SMAP2: variants seen among roughly 807,000 people sequenced by gnomAD.
SMAP2 encodes small ArfGAP2.
In SMAP2, 25 loss-of-function variants were observed where a neutral mutation model predicts 56.4. The observed-to-expected ratio is 0.44, with a 90% confidence interval of 0.32 to 0.62. The LOEUF (loss-of-function observed/expected upper bound fraction) is 0.62, where lower values mean the gene tolerates loss of function less well. SMAP2 is among the 20% of genes least tolerant of loss of function. SMAP2 has a pLI of 0.04. For missense variants in SMAP2, 388 were observed against 545.6 expected (o/e 0.71, Z 2.88); for synonymous variants, 157 against 181.7 (o/e 0.86, Z 1.09).
intron 1 of SMAP2, among the ~76,000 whole-genome samples, chr1:40,377,038 C>T (rs1264672738): frequency 6.6e-6 from 1 of 152,192 alleles, no homozygotes; most frequent in Non-Finnish European, 1.5e-5. Context: ...GTAATCCCAG[C>T]ACTTTGAGAG....
intron 1 of SMAP2, among the ~76,000 whole-genome samples, chr1:40,381,186 T>C (rs921811292): frequency 3.3e-5 from 5 of 152,232 alleles, no homozygotes; most frequent in Non-Finnish European, 7.3e-5. Context: ...CCCCACTACA[T>C]ATAGTCATTC....
At chr1:40,362,088 G>A (rs1644462733) in intron 1 of SMAP2, among the ~76,000 whole-genome samples, 1 of 152,162 alleles carries the variant, frequency 6.6e-6, no homozygotes, top group South Asian at 2.1e-4. Context: ...AGGGGAGAGA[G>A]TATGACCAGA....
rs1044249240 is a variant in SMAP2, at chr1:40,385,612, A to G, written c.103+11389A>G. Reference sequence around the variant, plus strand: ...AGAGACCTACTCTCAGCTGTAGCTGATAAGTGTGTCCTAGCATGGTGATTT... The same window carrying G: ...AGAGACCTACTCTCAGCTGTAGCTGGTAAGTGTGTCCTAGCATGGTGATTT... On this transcript the variant is annotated intron_variant, in intron 1 of 9. Coordinates refer to ENST00000372718, the MANE Select transcript of SMAP2 (RefSeq NM_022733.3). The surrounding 1 kb of genome is among the most constrained non-coding windows in gnomAD (Gnocchi z 4.5). Among the ~76,000 whole-genome samples the G allele has an allele frequency of 2.0e-5, 3 of 152,230 alleles. No homozygotes were observed. Among genetic ancestry groups the G allele is most frequent in the Non-Finnish European group, 4.4e-5 (3 of 68,036 alleles).
chr1:40,345,692 C>T lies in SMAP2; in HGVS notation c.-83+782C>T, dbSNP rs75577015. Among the ~76,000 whole-genome samples, 1,041 of 151,446 alleles carry T rather than the reference C, an allele frequency of 6.9e-3. 9 individuals are homozygous for T. Among genetic ancestry groups the T allele is most frequent in the African/African-American group, 0.024 (985 of 41,360 alleles). On this transcript the variant is annotated intron_variant, in intron 1 of 6. Transcript: ENST00000435168. ...CTTCAACATGTCGTGAATTTATTTC[C>T]TGATCAGCATATAAAGATCTCTCTC...
rs1304690439 is a variant in SMAP2 at position 40,422,113 on chromosome 1, C to T, written c.*12C>T. On this transcript the variant is annotated 3_prime_UTR_variant, in exon 10 of 10. Coordinates refer to ENST00000372718, the MANE Select transcript of SMAP2 (RefSeq NM_022733.3). ...AGATGTGGAAATAAAAACAAAACAC[C>T]TGTATGGCTGCCATTCTCTTCAGCC... 6.2e-7 allele frequency: 1 copy of T among 1,613,658 alleles called. No homozygotes were observed. The highest frequency in any genetic ancestry group is 8.5e-7 in the Non-Finnish European group (1 of 1,179,872).
chr1:40,406,742 G>A lies in SMAP2; in HGVS notation c.110G>A (p.Arg37Gln), dbSNP rs1213093583. Residue 37 changes from arginine to glutamine, a missense_variant, in exon 2 of 10, where the codon CGA becomes CAA. By Grantham distance (43) the Arg-to-Gln change is conservative (BLOSUM62 1). Transcript: ENST00000372718. ...CTGTTCCTGACTTTCACAGGGCCGC[G>A]ATGGGCCTCTTGGAACATTGGTGTG... is the stretch of plus-strand genomic sequence containing the variant. ...FCADCQSKGP[R>Q]WASWNIGVFI... is the part of the protein sequence containing the mutation. 2.5e-6 allele frequency: 4 copies of A among 1,612,826 alleles called. No homozygotes were observed. The highest frequency in any genetic ancestry group is 1.7e-5 in the Admixed American group (1 of 59,934).
intron 1 of SMAP2, among the ~76,000 whole-genome samples, chr1:40,353,039 C>T (rs762083031): frequency 7.2e-5 from 11 of 152,132 alleles, no homozygotes; most frequent in African/African-American, 9.7e-5. Context: ...AGACATTGTC[C>T]GGGGTTGCCC....
intron 6 of SMAP2, 101 bp downstream of exon 6, chr1:40,414,341 C>A: frequency 1.9e-6 from 2 of 1,049,060 alleles, no homozygotes; most frequent in Non-Finnish European, 2.9e-6. Context: ...GTTTTGTCTT[C>A]ATTGCCAAGA....
chr1:40,351,461 A>C (rs889680438), intron 1 of SMAP2, among the ~76,000 whole-genome samples: 3 of 152,202 alleles, frequency 2.0e-5, no homozygotes, highest in Admixed American at 2.0e-4. Flanking sequence ...GAATACAATG[A>C]TTAACTCCTT....
chr1:40,407,753 A>G (rs958526435), intron 2 of SMAP2, among the ~76,000 whole-genome samples: 10 of 152,188 alleles, frequency 6.6e-5, no homozygotes, highest in Admixed American at 2.0e-4. Context: ...TTAAAAGTAT[A>G]TTAAATAGGA....
intron 4 of SMAP2, among the ~76,000 whole-genome samples, chr1:40,410,175 G>T (rs1170360732): frequency 6.6e-6 from 1 of 152,124 alleles, no homozygotes; most frequent in Non-Finnish European, 1.5e-5. Context: ...GAGCCAGGGA[G>T]GTTGAGGCTG....
rs747127620 is a variant in SMAP2, at chr1:40,399,310, A to ATTTTTTTTTTTT, written c.104-7416_104-7405dup. ...CAGGCATGTGCCACTACGTGTGGCT[A>ATTTTTTTTTTTT]TTTTTTTTTTTTTTTTTTTTTGTAT... On this transcript the variant is annotated intron_variant, in intron 1 of 9. Coordinates refer to ENST00000372718, the MANE Select transcript of SMAP2 (RefSeq NM_022733.3). Among the ~76,000 whole-genome samples the ATTTTTTTTTTTT allele has an allele frequency of 7.9e-3, 729 of 91,838 alleles. 3 individuals are homozygous for ATTTTTTTTTTTT. Among genetic ancestry groups the ATTTTTTTTTTTT allele is most frequent in the Non-Finnish European group, 9.3e-3 (471 of 50,690 alleles). 60.2% of individuals were successfully genotyped at this position (91,838 alleles called of 152,430 possible). A position where few individuals can be genotyped will look rare whatever the true frequency, so the allele number is the denominator to read the frequency against.
chr1:40,386,887 C>T lies in SMAP2; in HGVS notation c.103+12664C>T, dbSNP rs1243238950. On this transcript the variant is annotated intron_variant, in intron 1 of 9. Transcript: ENST00000372718. The surrounding 1 kb of genome is among the most constrained non-coding windows in gnomAD (Gnocchi z 4.1). ...TTTTTTTTTTGGAGACAAGGTCTCTCGCTCCGTCGCCCAAGCTGGAGTACA... is the reference window on the plus strand; with the variant it reads ...TTTTTTTTTTGGAGACAAGGTCTCTTGCTCCGTCGCCCAAGCTGGAGTACA... Among the ~76,000 whole-genome samples the T allele has an allele frequency of 7.3e-5, 10 of 137,824 alleles. No homozygotes were observed. The highest frequency in any genetic ancestry group is 1.2e-4 in the Non-Finnish European group (8 of 66,190). 90.4% of individuals were successfully genotyped at this position (137,824 alleles called of 152,430 possible).
upstream of SMAP2, among the ~76,000 whole-genome samples, chr1:40,369,455 T>C (rs1456046792): frequency 1.3e-5 from 2 of 151,006 alleles, no homozygotes; most frequent in African/African-American, 4.9e-5. Flanking sequence ...CTTCAAACTT[T>C]ACTACAAGGC....
At chr1:40,415,937 G>A (rs1159024065) in intron 7 of SMAP2, among the ~76,000 whole-genome samples, 3 of 152,094 alleles carry the variant, frequency 2.0e-5, no homozygotes, top group African/African-American at 4.8e-5. Flanking sequence ...CATCATTTGT[G>A]GGTTGTTTTG....
At chr1:40,393,227 G>T in intron 1 of SMAP2, 1 of 1,207,014 alleles carries the variant, frequency 8.3e-7, no homozygotes, top group Non-Finnish European at 1.1e-6. Context: ...TCAAGAAGCT[G>T]AGGTGGGAGG....
In SMAP2 at chr1:40,392,847, C is replaced by T. The variant is rs1052869100; in HGVS notation, c.104-13889C>T. Among the ~76,000 whole-genome samples, 5 of 152,178 alleles carry T rather than the reference C, an allele frequency of 3.3e-5. No homozygotes were observed. The East Asian group carries it at 9.7e-4, about 29-fold the overall frequency. ...GGGCTCAGTGGCTCATGCCTGTAATCGCAGCACGTTGGGAGGCCGAGGCAG... is the reference window on the plus strand; with the variant it reads ...GGGCTCAGTGGCTCATGCCTGTAATTGCAGCACGTTGGGAGGCCGAGGCAG... On this transcript the variant is annotated intron_variant, in intron 1 of 9. Transcript: ENST00000372718.
intron 1 of SMAP2, among the ~76,000 whole-genome samples, chr1:40,346,969 C>A (rs1340581854): frequency 6.6e-6 from 1 of 152,054 alleles, no homozygotes; most frequent in Non-Finnish European, 1.5e-5. Flanking sequence ...CCTGTCTCAA[C>A]CTCCCGAAGT....
In SMAP2 at chr1:40,415,396, C is replaced by G. The variant is rs1482232108; in HGVS notation, c.681+15C>G. ...GTTCCAGAAAGGTGAGTCTTGTGGG[C>G]TCCTCAGGATTAAAGAACATTCTGA... On this transcript the variant is annotated intron_variant, in intron 7 of 9. Transcript: ENST00000372718. The G allele has an allele frequency of 6.7e-7, 1 of 1,500,192 alleles. No individual in the cohort carries two copies. The highest frequency in any genetic ancestry group is 1.7e-5 in the Admixed American group (1 of 59,758). The allele number at this position is 1,500,192 out of a possible 1,614,324, so 92.9% of individuals were successfully genotyped here.
Sources: gnomAD v4.1 joint callset for allele counts (sites outside exome capture counted in the v4.1 genomes callset) on GRCh38, gnomAD v4.1.1 for gene constraint, Gnocchi (gnomAD v3.1) non-coding constraint, MANE v1.5 for transcripts, NCBI Gene and HGNC (gene_info 2026-07-23, HGNC 2026-07-21) for gene names.